ECI2: variants seen among roughly 807,000 people sequenced by gnomAD.
ECI2 encodes the protein D3,D2-enoyl-CoA isomerase.
ECI2 carries 27 observed loss-of-function variants against 38.4 expected under a neutral mutation model. The observed-to-expected ratio is 0.70, with a 90% CI of 0.52 to 0.97. The LOEUF is 0.97. ECI2 is among the 50% of genes least tolerant of loss of function. The probability of loss-of-function intolerance (pLI) is 0.00; values close to 1 mark genes in which losing one functional copy is unlikely to be tolerated. For synonymous variants in ECI2, 168 were observed against 172.0 expected (o/e 0.98, Z 0.18); for missense variants, 470 against 474.4 (o/e 0.99, Z 0.09).
intron 7 of ECI2, among the ~76,000 whole-genome samples, chr6:4,120,832 C>G (rs1772692578): frequency 6.6e-6 from 1 of 152,022 alleles, no homozygotes; most frequent in African/African-American, 2.4e-5. Flanking sequence ...CTGTACAATT[C>G]TTATTTGTCA....
intron 4 of ECI2, among the ~76,000 whole-genome samples, chr6:4,128,603 A>C (rs190784467): frequency 2.0e-5 from 3 of 152,340 alleles, no homozygotes; most frequent in East Asian, 1.9e-4. Flanking sequence ...TTCCACATCC[A>C]TGGACAACCA....
intron 2 of ECI2, among the ~76,000 whole-genome samples, chr6:4,132,149 GGGAAA>G (rs1366264594): frequency 6.6e-6 from 1 of 152,200 alleles, no homozygotes; most frequent in Non-Finnish European, 1.5e-5. Context: ...AGTTTATTAA[GGGAAA>G]GGATAGAGAT....
chr6:4,129,030 A>G (rs907339981), intron 4 of ECI2, among the ~76,000 whole-genome samples: 1 of 152,196 alleles, frequency 6.6e-6, no homozygotes, highest in African/African-American at 2.4e-5. Context: ...GAGATGGATT[A>G]TCAGGGTTCC....
chr6:4,115,946 A>T lies in ECI2; in HGVS notation c.1113T>A (p.Leu371=). 6.2e-7 allele frequency: 1 copy of T among 1,614,200 alleles called. No homozygotes were observed. Among genetic ancestry groups the T allele is most frequent in the Non-Finnish European group, 8.5e-7 (1 of 1,180,038 alleles). The change falls in exon 10 of 10, where the codon CTT becomes CTA. Residue 371 remains leucine, a synonymous_variant. Coordinates refer to ENST00000380118, the MANE Select transcript of ECI2 (RefSeq NM_206836.3). The part of the protein sequence containing the change: ...HAVNAEECNV[L]QGRWLSDECT... ...ATTCATCTGATAGCCATCTTCCCTG[A>T]AGGACATTGCATTCTTCAGCATTAA... is the stretch of plus-strand genomic sequence containing the variant.
chr6:4,115,895 T>TA lies in ECI2; in HGVS notation c.1163dup (p.Leu388PhefsTer15), dbSNP rs1772227313. ...GTCATCACAGTTTTGATTTTCTGGATAAGAAGTTCACCACAGCATTTGTGC... is the reference window on the plus strand; with the variant it reads ...GTCATCACAGTTTTGATTTTCTGGATAAAGAAGTTCACCACAGCATTTGTGC... On this transcript the variant is annotated frameshift_variant, in exon 10 of 10. Coordinates refer to ENST00000380118, the MANE Select transcript of ECI2 (RefSeq NM_206836.3). LOFTEE classifies it high-confidence loss of function. The TA allele has an allele frequency of 6.2e-7, 1 of 1,613,440 alleles. No homozygotes were observed. Among genetic ancestry groups the TA allele is most frequent in the African/African-American group, 1.3e-5 (1 of 74,900 alleles).
In ECI2 at chr6:4,135,569, C is replaced by A. The variant is rs746385853; in HGVS notation, c.-9G>T. 2 of 1,182,930 alleles carry A rather than the reference C, an allele frequency of 1.7e-6. No individual in the cohort carries two copies. The highest frequency in any genetic ancestry group is 2.3e-6 in the Non-Finnish European group (2 of 856,318). The allele number at this position is 1,182,930 out of a possible 1,614,324, so 73.3% of individuals were successfully genotyped here. A position where few individuals can be genotyped will look rare whatever the true frequency, so the allele number is the denominator to read the frequency against. ...AAGTACGCCATCGCCATCCCTTGGG[C>A]GGCTCTAGGGCTGCGGGGGCTCGGG... On this transcript the variant is annotated 5_prime_UTR_variant, in exon 1 of 10. Coordinates refer to ENST00000380118, the MANE Select transcript of ECI2 (RefSeq NM_206836.3).
At chr6:4,118,750 T>G (rs9503919) in intron 8 of ECI2, 36,585 of 154,316 alleles carry the variant, frequency 0.24, 4,552 homozygotes, top group Middle Eastern at 0.3. Flanking sequence ...TGGTACTTAC[T>G]GTAACTCTGA....
At chr6:4,125,678 G>C (rs910468452) in intron 6 of ECI2, 4 of 444,046 alleles carry the variant, frequency 9.0e-6, no homozygotes, top group African/African-American at 8.0e-5. Flanking sequence ...GATTAGGTTG[G>C]GTGACTGAGC....
chr6:4,122,240 A>G (rs1196682390), intron 7 of ECI2, among the ~76,000 whole-genome samples: 1 of 131,558 alleles, frequency 7.6e-6, no homozygotes, highest in Non-Finnish European at 1.6e-5. Flanking sequence ...TTTTTTTTTG[A>G]GACGGAGTCT....
chr6:4,135,090 A>G, intron 1 of ECI2: 1 of 470,602 alleles, frequency 2.1e-6, no homozygotes, highest in Non-Finnish European at 4.2e-6. Context: ...TTAAGTCCAC[A>G]CGAGTGATAA....
intron 4 of ECI2, among the ~76,000 whole-genome samples, chr6:4,128,770 T>A (rs951765010): frequency 3.9e-5 from 6 of 152,220 alleles, no homozygotes; most frequent in African/African-American, 1.4e-4. Context: ...AGAGATGATT[T>A]AAAGTATATG....
intron 1 of ECI2, 97 bp from the exon 2 acceptor site, chr6:4,133,808 T>G (rs1177265304): frequency 7.4e-7 from 1 of 1,356,922 alleles, no homozygotes. Flanking sequence ...CAAAATGCCA[T>G]GTTTGTCTAT....
intron 4 of ECI2, 165 bp downstream of exon 4, chr6:4,130,197 AAACAATGAAT>A (rs772309860): frequency 6.2e-7 from 1 of 1,613,874 alleles, no homozygotes; most frequent in Non-Finnish European, 8.5e-7. Context: ...CACAAACTCT[AAACAATGAAT>A]GCTCAACTCT....
intron 7 of ECI2, among the ~76,000 whole-genome samples, chr6:4,121,397 C>A (rs1297458541): frequency 6.6e-6 from 1 of 151,996 alleles, no homozygotes; most frequent in Non-Finnish European, 1.5e-5. Flanking sequence ...TGGTCTATGG[C>A]TTATCTTTTC....
intron 7 of ECI2, among the ~76,000 whole-genome samples, chr6:4,123,185 A>G (rs896093455): frequency 1.4e-4 from 21 of 151,668 alleles, no homozygotes; most frequent in African/African-American, 4.6e-4. Context: ...TTTTACTTAT[A>G]TATTTTTTTG....
At position 4,116,307 on chromosome 6, in the gene ECI2, C is replaced by T. The variant is rs111754282; in HGVS notation, c.1030-278G>A. 4.4e-3 allele frequency among the ~76,000 whole-genome samples: 669 copies of T among 151,702 alleles called. 4 individuals are homozygous for T. The highest frequency in any genetic ancestry group is 0.015 in the African/African-American group (624 of 41,394). On this transcript the variant is annotated intron_variant, in intron 9 of 9. Coordinates refer to ENST00000380118, the MANE Select transcript of ECI2 (RefSeq NM_206836.3). ...CGGAGGTTGCAGTGAGCTGAGATCG[C>T]ACCATTGCACTCCAGCCTGGGTGAC...
At chr6:4,116,073 C>T (rs749244754) in intron 9 of ECI2, 44 bp from the exon 10 acceptor site, 1 of 1,586,080 alleles carries the variant, frequency 6.3e-7, no homozygotes, top group Non-Finnish European at 8.6e-7. Flanking sequence ...TTGACCTAGG[C>T]TGGACGTGGA....
intron 9 of ECI2, 149 bp from the exon 10 acceptor site, chr6:4,116,178 C>T (rs1374834694): frequency 1.3e-6 from 1 of 746,026 alleles, no homozygotes; most frequent in South Asian, 2.1e-5. Context: ...TGGTGAAACC[C>T]CATCTCTACT....
intron 1 of ECI2, among the ~76,000 whole-genome samples, chr6:4,134,671 A>G (rs1773645064): frequency 6.6e-6 from 1 of 152,242 alleles, no homozygotes; most frequent in Admixed American, 6.5e-5. Flanking sequence ...TAACTGATTC[A>G]GTAAGATCAG....
Sources: allele counts gnomAD v4.1 joint callset (sites outside exome capture counted in the v4.1 genomes callset), GRCh38; gene constraint gnomAD v4.1.1; transcripts MANE v1.5; gene names NCBI Gene and HGNC (gene_info 2026-07-23, HGNC 2026-07-21).